Variants in PIK3CB observed in about 807,000 individuals in gnomAD.
PIK3CB encodes phosphatidylinositol 4,5-bisphosphate 3-kinase catalytic subunit beta isoform.
PIK3CB carries 39 observed loss-of-function variants against 136.8 expected under a neutral mutation model. That is an observed-to-expected ratio of 0.29 (90% CI 0.22 to 0.37). PIK3CB has a LOEUF of 0.37. Among genes scored for constraint, PIK3CB ranks in the 10% least tolerant of loss-of-function variants. The pLI, the probability that PIK3CB is intolerant of heterozygous loss-of-function variation, is 1.00. For missense variants in PIK3CB, 868 were observed against 1,275.4 expected (o/e 0.68, Z 4.87); for synonymous variants, 428 against 436.6 (o/e 0.98, Z 0.25).
At position 138,694,826 on chromosome 3, in the gene PIK3CB, A is replaced by G. The variant is rs2044100735; in HGVS notation, c.1852T>C (p.Tyr618His). Residue 618 changes from tyrosine (Y) to histidine (H), a missense_variant, in exon 14 of 24, where the codon TAC (tyrosine) becomes CAC (histidine). By Grantham distance (83) the Tyr-to-His change is moderately conservative. Transcript: ENST00000674063. ...ELLDFNYPDQ[Y>H]VREYAVGCLR... ...CAGCCTACAGCATATTCTCGAACGTACTGGTCTGGATAGTTGAAATCCAGA... is the reference window on the plus strand; with the variant it reads ...CAGCCTACAGCATATTCTCGAACGTGCTGGTCTGGATAGTTGAAATCCAGA... 4.3e-6 allele frequency: 7 copies of G among 1,613,208 alleles called. No individual in the cohort carries two copies. The highest frequency in any genetic ancestry group is 4.2e-6 in the Non-Finnish European group (5 of 1,179,656).
At chr3:138,809,903 A>G (rs1407291228) in intron 1 of PIK3CB, among the ~76,000 whole-genome samples, 2 of 152,172 alleles carry the variant, frequency 1.3e-5, no homozygotes, top group Non-Finnish European at 2.9e-5. Flanking sequence ...GTTCTCCAAT[A>G]AAAGGGACCA....
intron 2 of PIK3CB, among the ~76,000 whole-genome samples, chr3:138,781,503 A>G (rs2045922938): frequency 6.6e-6 from 1 of 151,146 alleles, no homozygotes; most frequent in African/African-American, 2.4e-5. Flanking sequence ...CCCAGGCTGG[A>G]GTGCAGTGGT....
At chr3:138,659,499 A>G (rs139141314) in intron 21 of PIK3CB, among the ~76,000 whole-genome samples, 3,689 of 152,038 alleles carry the variant, frequency 0.024, 156 homozygotes, top group African/African-American at 0.085. Flanking sequence ...CCTGGGCGAC[A>G]GAGCAAGTCT....
intron 19 of PIK3CB, among the ~76,000 whole-genome samples, chr3:138,677,856 T>C (rs902385400): frequency 5.9e-5 from 9 of 152,060 alleles, no homozygotes; most frequent in Admixed American, 4.6e-4. Flanking sequence ...GATCGTGCCA[T>C]TGCACTCTGG....
chr3:138,832,353 G>A (rs1934072507), intron 1 of PIK3CB, among the ~76,000 whole-genome samples: 1 of 152,058 alleles, frequency 6.6e-6, no homozygotes, highest in African/African-American at 2.4e-5. Context: ...TGCTTCTTAA[G>A]TCATTTTGGC....
intron 2 of PIK3CB, among the ~76,000 whole-genome samples, chr3:138,776,939 A>AG (rs956022949): frequency 1.3e-5 from 2 of 151,920 alleles, no homozygotes; most frequent in African/African-American, 4.8e-5. Context: ...AAAAAAAAAA[A>AG]AAAAGAATCT....
At chr3:138,784,739 T>C (rs919416470) in intron 2 of PIK3CB, among the ~76,000 whole-genome samples, 2 of 152,222 alleles carry the variant, frequency 1.3e-5, no homozygotes, top group African/African-American at 4.8e-5. Flanking sequence ...TGCTCAATCT[T>C]GCCCAGGCTG....
chr3:138,705,190 C>CAAAAAAAAAAAAAAAAAA (rs1281520471), intron 11 of PIK3CB, among the ~76,000 whole-genome samples: 1 of 53,250 alleles, frequency 1.9e-5, no homozygotes, highest in Non-Finnish European at 3.2e-5. Context: ...ACAAAACAAA[C>CAAAAAAAAAAAAAAAAAA]AAAAAAAAAA....
intron 2 of PIK3CB, among the ~76,000 whole-genome samples, chr3:138,786,539 T>A (rs975274221): frequency 6.6e-6 from 1 of 151,970 alleles, no homozygotes; most frequent in African/African-American, 2.4e-5. Context: ...AGAGATGGGG[T>A]TTCACCATGT....
At chr3:138,693,731 A>G (rs568726348) in intron 14 of PIK3CB, among the ~76,000 whole-genome samples, 4 of 151,822 alleles carry the variant, frequency 2.6e-5, no homozygotes, top group South Asian at 2.1e-4. Context: ...GCATGATATA[A>G]ACTAATGCAT....
chr3:138,682,158 T>C, intron 18 of PIK3CB, 113 bp from the exon 19 acceptor site: 1 of 617,668 alleles, frequency 1.6e-6, no homozygotes, highest in Non-Finnish European at 2.9e-6. Context: ...TCTGTGCTAA[T>C]ATTTTCACTA....
chr3:138,729,943 G>A (rs907923148), intron 8 of PIK3CB, among the ~76,000 whole-genome samples: 3 of 152,034 alleles, frequency 2.0e-5, no homozygotes, highest in Non-Finnish European at 4.4e-5. Context: ...CTTAGCCAGT[G>A]CATACAGGAA....
intron 19 of PIK3CB, among the ~76,000 whole-genome samples, chr3:138,680,677 C>T (rs541017463): frequency 3.9e-4 from 59 of 151,726 alleles, no homozygotes; most frequent in Middle Eastern, 6.8e-3. Flanking sequence ...TTAGGATATC[C>T]AGTTGTTCTT....
intron 19 of PIK3CB, among the ~76,000 whole-genome samples, chr3:138,668,173 G>A (rs979659026): frequency 6.6e-6 from 1 of 152,088 alleles, no homozygotes; most frequent in Non-Finnish European, 1.5e-5. Context: ...TCCTAATGCA[G>A]CATTAATGTT....
Position 138,703,136 on chromosome 3 carries a change from A to T in PIK3CB, c.1581+1307T>A, listed in dbSNP as rs2044289202. 2.6e-5 allele frequency among the ~76,000 whole-genome samples: 4 copies of T among 152,352 alleles called. No homozygotes were observed. In the South Asian group the frequency reaches 8.3e-4, roughly 32 times the overall value. On this transcript the variant is annotated intron_variant, in intron 12 of 23. Coordinates refer to ENST00000674063, the MANE Select transcript of PIK3CB (RefSeq NM_006219.3). ...GCCCAGAGCCTTTCGTAAACTGTAA[A>T]GACTAGGAGTCTGGCACTACTGCTC...
chr3:138,705,293 C>G (rs2044357316), intron 11 of PIK3CB, among the ~76,000 whole-genome samples: 1 of 151,056 alleles, frequency 6.6e-6, no homozygotes, highest in Admixed American at 6.6e-5. Flanking sequence ...GTTGAACACA[C>G]ATCATAACTG....
At chr3:138,756,583 G>A (rs758616596) in intron 3 of PIK3CB, among the ~76,000 whole-genome samples, 2 of 152,052 alleles carry the variant, frequency 1.3e-5, no homozygotes, top group African/African-American at 2.4e-5. Flanking sequence ...CATGTCTCCT[G>A]GATGAGATAA....
intron 20 of PIK3CB, among the ~76,000 whole-genome samples, chr3:138,664,798 C>A (rs1438476457): frequency 6.6e-6 from 1 of 152,140 alleles, no homozygotes; most frequent in Non-Finnish European, 1.5e-5. Flanking sequence ...TACTTAAATT[C>A]ATAGATTGTA....
intron 2 of PIK3CB, among the ~76,000 whole-genome samples, chr3:138,767,263 C>A (rs2045744814): frequency 6.6e-6 from 1 of 152,128 alleles, no homozygotes; most frequent in Non-Finnish European, 1.5e-5. Flanking sequence ...TTATATAAGA[C>A]TTTTTTTGTT....
Sources: gnomAD v4.1 joint callset for allele counts (sites outside exome capture counted in the v4.1 genomes callset) on GRCh38, gnomAD v4.1.1 for gene constraint, MANE v1.5 for transcripts, NCBI Gene and HGNC (gene_info 2026-07-23, HGNC 2026-07-21) for gene names.